Variants in SNURF observed in about 807,000 individuals in gnomAD.
The protein encoded by SNURF is SNRPN upstream open reading frame, also known as SNURF protein.
A neutral mutation model predicts 11.6 loss-of-function variants in SNURF; 6 were observed. The ratio of observed to expected loss-of-function variants is 0.52; its 90% CI spans 0.28 to 1.02. The LOEUF is 1.02. SNURF is among the 50% of genes least tolerant of loss of function. The pLI is 0.09. For missense variants in SNURF, 84 were observed against 88.4 expected (o/e 0.95, Z 0.20); for synonymous variants, 29 against 31.6 (o/e 0.92, Z 0.27).
intron 2 of SNURF, among the ~76,000 whole-genome samples, chr15:24,964,610 C>G (rs890666017): frequency 1.3e-5 from 2 of 152,050 alleles, no homozygotes; most frequent in Non-Finnish European, 2.9e-5. Context: ...TCCCTTCATT[C>G]TTTTGCAGCT....
At chr15:24,955,634 G>A (rs1416792836) in intron 1 of SNURF, among the ~76,000 whole-genome samples, 1 of 148,004 alleles carries the variant, frequency 6.8e-6, no homozygotes. Context: ...TGACCGAGGC[G>A]AGGAGGCTAT....
chr15:24,959,350 G>A (rs1018092343), intron 1 of SNURF, among the ~76,000 whole-genome samples: 2 of 152,196 alleles, frequency 1.3e-5, no homozygotes, highest in Non-Finnish European at 2.9e-5. Flanking sequence ...ATTTAAGCCA[G>A]GTGCGGTGGC....
At chr15:24,958,539 C>T (rs1201542875) in intron 1 of SNURF, among the ~76,000 whole-genome samples, 3 of 124,548 alleles carry the variant, frequency 2.4e-5, no homozygotes, top group Non-Finnish European at 3.2e-5. Context: ...CAGGGTCTCC[C>T]TATGTTGTCC....
At chr15:24,961,212 A>G in intron 1 of SNURF, among the ~76,000 whole-genome samples, 1 of 152,206 alleles carries the variant, frequency 6.6e-6, no homozygotes, top group East Asian at 1.9e-4. Flanking sequence ...ATATGTGTGT[A>G]TGGCTTGATT....
intron 1 of SNURF, among the ~76,000 whole-genome samples, chr15:24,957,607 G>T (rs2063140681): frequency 6.6e-6 from 1 of 152,154 alleles, no homozygotes; most frequent in South Asian, 2.1e-4. Context: ...ATGTCTGGTT[G>T]CACTGAGTTG....
At chr15:24,968,250 C>T in exon 3 of SNURF, 1 of 527,424 alleles carries the variant, frequency 1.9e-6, no homozygotes, top group Non-Finnish European at 3.4e-6. Flanking sequence ...ATTTTCTGCC[C>T]TGACACTTTC....
Position 24,967,978 on chromosome 15 carries a change from G to A in SNURF, c.157G>A (p.Val53Met). ...TTCTCAGCAGCAGCAAGTACCTGTG[G>A]TGGATTTCCAGGCTGAACTGAGGCA... The change falls in exon 3 of 3, where the codon GTG (valine) becomes ATG (methionine). Residue 53 changes from valine (V) to methionine (M), a missense_variant. Physicochemically the swap from Val to Met is conservative, Grantham distance 21 (BLOSUM62 1). Transcript: ENST00000577949. 6.2e-7 allele frequency: 1 copy of A among 1,614,120 alleles called. No homozygotes were observed. The highest frequency in any genetic ancestry group is 8.5e-7 in the Non-Finnish European group (1 of 1,180,024).
At chr15:24,955,507 G>C (rs1286921923) in intron 1 of SNURF, among the ~76,000 whole-genome samples, 1 of 151,242 alleles carries the variant, frequency 6.6e-6, no homozygotes, top group Non-Finnish European at 1.5e-5. Flanking sequence ...GTGGCGGGGC[G>C]AAGGTACGTG....
At chr15:24,978,351 C>T (rs371612484), downstream of SNURF, 6 of 1,613,888 alleles carry the variant, frequency 3.7e-6, no homozygotes, top group Admixed American at 1.7e-5. Context: ...GATGGTTCAG[C>T]CAGGCCCCTG....
At position 24,974,303 on chromosome 15, in the gene SNURF, C is replaced by T. The variant is rs1041706173; in HGVS notation, c.*46-1055C>T. ...TGCAGTGCAGCTTTAACATGCTTTC[C>T]TCTGCAGGCTCCATCTACTCTTTGA... On this transcript the variant is annotated intron_variant and NMD_transcript_variant, in intron 3 of 6. Transcript: ENST00000580062. 5 of 711,806 alleles carry T rather than the reference C, an allele frequency of 7.0e-6. No homozygotes were observed. In the East Asian group the frequency reaches 7.8e-5, roughly 11 times the overall value. 44.1% of individuals were successfully genotyped at this position (711,806 alleles called of 1,614,324 possible).
rs1268720557 is a variant in SNURF at position 24,975,230 on chromosome 15, AAGG to A, written c.*46-125_*46-123del. 20 of 710,328 alleles carry A rather than the reference AAGG, an allele frequency of 2.8e-5. No homozygotes were observed. In the East Asian group the frequency reaches 4.7e-4, roughly 17 times the overall value. The allele number at this position is 710,328 out of a possible 1,614,324, so 44.0% of individuals were successfully genotyped here. On this transcript the variant is annotated intron_variant and NMD_transcript_variant, in intron 3 of 6. Coordinates refer to the SNURF transcript ENST00000580062. ...TAAATATGGAAGAATGTTGGTGAAA[AAGG>A]AGAGAATATTTGTTTAGTTAAGGAA...
intron 2 of SNURF, among the ~76,000 whole-genome samples, chr15:24,966,478 C>T (rs2075654758): frequency 6.6e-6 from 1 of 152,144 alleles, no homozygotes; most frequent in Non-Finnish European, 1.5e-5. Flanking sequence ...AATCACTGGA[C>T]ATGTCACTGA....
At chr15:24,974,618 T>G in intron 3 of SNURF, 2 of 736,834 alleles carry the variant, frequency 2.7e-6, no homozygotes, top group South Asian at 1.6e-5. Flanking sequence ...GATGAGCTGA[T>G]TTTTTTATTT....
chr15:24,970,596 A>G (rs140134318), downstream of SNURF, among the ~76,000 whole-genome samples: 337 of 152,300 alleles, frequency 2.2e-3, no homozygotes, highest in African/African-American at 7.8e-3. Flanking sequence ...AAATTGTGTT[A>G]TGAATATTCT....
intron 1 of SNURF, among the ~76,000 whole-genome samples, chr15:24,955,411 G>A (rs2062676673): frequency 6.6e-6 from 1 of 151,994 alleles, no homozygotes; most frequent in Admixed American, 6.6e-5. Flanking sequence ...GGGTACATCA[G>A]GGTGATTGCA....
intron 1 of SNURF, among the ~76,000 whole-genome samples, chr15:24,958,035 C>T (rs2063201554): frequency 6.6e-6 from 1 of 152,104 alleles, no homozygotes; most frequent in Admixed American, 6.5e-5. Flanking sequence ...ATGTTGTTGT[C>T]TAAGGCAGGG....
chr15:24,978,281 G>C (rs746441330), downstream of SNURF: 1 of 1,613,952 alleles, frequency 6.2e-7, no homozygotes, highest in Admixed American at 1.7e-5. Context: ...TAGGCATGCC[G>C]CCTCCGGGAA....
At chr15:24,976,974 A>C (rs762396703) in exon 6 of SNURF, 1 of 1,605,198 alleles carries the variant, frequency 6.2e-7, no homozygotes. Context: ...CCAATTCCCC[A>C]GGCCCCTGCT....
chr15:24,970,445 G>T (rs2076254440), downstream of SNURF, among the ~76,000 whole-genome samples: 1 of 152,050 alleles, frequency 6.6e-6, no homozygotes, highest in South Asian at 2.1e-4. Context: ...CGGGTGTAGT[G>T]GGGGACACCT....
Sources: gnomAD v4.1 joint callset for allele counts (sites outside exome capture counted in the v4.1 genomes callset) on GRCh38, gnomAD v4.1.1 for gene constraint, MANE v1.5 for transcripts, NCBI Gene and HGNC (gene_info 2026-07-23, HGNC 2026-07-21) for gene names.